The following TNIP1 variants were observed in gnomAD, a reference collection of about 807,000 sequenced individuals.
TNIP1 encodes the protein TNFAIP3 interacting protein 1.
In TNIP1, 22 loss-of-function variants were observed where a neutral mutation model predicts 86.6. The observed-to-expected ratio is 0.25, with a 90% CI of 0.18 to 0.36. TNIP1 has a LOEUF of 0.36. TNIP1 is among the 10% of genes least tolerant of loss of function. TNIP1 has a pLI of 1.00. For synonymous variants in TNIP1, 294 were observed against 313.0 expected (o/e 0.94, Z 0.64); for missense variants, 709 against 820.6 (o/e 0.86, Z 1.66).
At chr5:151,079,285 T>C (rs1394336976) in intron 1 of TNIP1, among the ~76,000 whole-genome samples, 1 of 152,102 alleles carries the variant, frequency 6.6e-6, no homozygotes, top group South Asian at 2.1e-4. Context: ...GCCTTAACCT[T>C]CTCTGGGCCT....
intron 1 of TNIP1, among the ~76,000 whole-genome samples, chr5:151,075,236 ATG>A (rs1763247763): frequency 6.6e-6 from 1 of 152,210 alleles, no homozygotes; most frequent in Non-Finnish European, 1.5e-5. Flanking sequence ...CTGATTGGAA[ATG>A]TGTTATTTCT....
intron 17 of TNIP1, 36 bp from the exon 18 acceptor site, chr5:151,030,783 T>C (rs1474774339): frequency 1.3e-6 from 2 of 1,543,224 alleles, no homozygotes; most frequent in East Asian, 4.5e-5. Flanking sequence ...TTCATGATTA[T>C]GTGGTAGAGC....
rs1762069320 is a variant in TNIP1 at position 151,065,073 on chromosome 5, C to T, written c.23G>A (p.Arg8Gln). 35 of 1,613,862 alleles carry T rather than the reference C, an allele frequency of 2.2e-5. No individual in the cohort carries two copies. The highest frequency in any genetic ancestry group is 2.7e-5 in the Non-Finnish European group (32 of 1,180,032). The change falls in exon 2 of 18, where the codon CGG becomes CAG. Residue 8 changes from arginine to glutamine, a missense_variant. Arg to Gln is a conservative substitution (Grantham distance 43). Transcript: ENST00000521591. MEGRGPY[R>Q]IYDPGGSVPS... ...CACGCTGCCCCCAGGGTCGTAGATCCGGTACGGTCCTCTCCCTTCCATGAG... is the reference window on the plus strand; with the variant it reads ...CACGCTGCCCCCAGGGTCGTAGATCTGGTACGGTCCTCTCCCTTCCATGAG...
intron 1 of TNIP1, among the ~76,000 whole-genome samples, chr5:151,070,007 C>A (rs542531394): frequency 9.9e-5 from 15 of 152,152 alleles, no homozygotes; most frequent in Non-Finnish European, 1.9e-4. Flanking sequence ...GCCAACCTTG[C>A]GAACACGAGG....
intron 15 of TNIP1, 118 bp from the exon 16 acceptor site, chr5:151,033,917 CTGGTATG>C: frequency 1.1e-6 from 1 of 910,070 alleles, no homozygotes; most frequent in South Asian, 2.8e-5. Context: ...GTACCAAAGG[CTGGTATG>C]TGGTCATGAA....
In TNIP1 at chr5:151,035,019, GCTGT is replaced by G; in HGVS notation, c.1566_1569del (p.Arg522SerfsTer92). The G allele has an allele frequency of 6.2e-7, 1 of 1,614,102 alleles. No individual in the cohort carries two copies. The highest frequency in any genetic ancestry group is 8.5e-7 in the Non-Finnish European group (1 of 1,180,002). ...CTCCTCACCTTTGCTTTCCTCTTCT[GCTGT>G]CTGAGGGCTTCTCTTGCCTTCTCCT... On this transcript the variant is annotated frameshift_variant, in exon 15 of 18. Coordinates refer to ENST00000521591, the MANE Select transcript of TNIP1 (RefSeq NM_006058.5). LOFTEE classifies it high-confidence loss of function.
At chr5:151,053,101 C>CT (rs11390788) in intron 6 of TNIP1, among the ~76,000 whole-genome samples, 26,983 of 84,890 alleles carry the variant, frequency 0.32, 5,180 homozygotes, top group African/African-American at 0.35. Flanking sequence ...AACTGTTTCT[C>CT]TTTTTTTTTT....
chr5:151,066,322 G>A (rs938187022), intron 1 of TNIP1, among the ~76,000 whole-genome samples: 3 of 152,172 alleles, frequency 2.0e-5, no homozygotes, highest in African/African-American at 2.4e-5. Flanking sequence ...CTGAAACACC[G>A]AGCCAGCCTC....
upstream of TNIP1, among the ~76,000 whole-genome samples, chr5:151,081,715 G>A (rs1361575636): frequency 1.3e-5 from 2 of 152,186 alleles, no homozygotes; most frequent in Non-Finnish European, 2.9e-5. Context: ...GTCACAAAAA[G>A]GTTAGATGAC....
chr5:151,075,440 AT>A (rs1178958646), intron 1 of TNIP1, among the ~76,000 whole-genome samples: 1 of 152,076 alleles, frequency 6.6e-6, no homozygotes, highest in East Asian at 1.9e-4. Context: ...GGGTGATCCC[AT>A]CACCTGGGTA....
At chr5:151,042,131 G>A (rs1758498078) in intron 11 of TNIP1, among the ~76,000 whole-genome samples, 1 of 151,772 alleles carries the variant, frequency 6.6e-6, no homozygotes, top group South Asian at 2.1e-4. Context: ...AGTAGAGATG[G>A]GATTTCATCA....
rs776082808 is a variant in TNIP1 at position 151,049,837 on chromosome 5, G to A, written c.833C>T (p.Ala278Val). 3 of 1,614,200 alleles carry A rather than the reference G, an allele frequency of 1.9e-6. No homozygotes were observed. The East Asian group carries it at 6.7e-5, about 36-fold the overall frequency. ...KMEGTGKKAVAGQQQASVTAG... is the reference protein window; with the variant it reads ...KMEGTGKKAVVGQQQASVTAG... ...CTGACCACATACCTGCTGCTGTCCA[G>A]CCACTGCCTTCTTGCCTGTCCCTTC... The change falls in exon 8 of 18, where the codon GCT becomes GTT. Residue 278 changes from alanine to valine, a missense_variant. Coordinates refer to ENST00000521591, the MANE Select transcript of TNIP1 (RefSeq NM_006058.5).
At chr5:151,074,217 A>AT (rs201044027) in intron 1 of TNIP1, among the ~76,000 whole-genome samples, 3 of 151,902 alleles carry the variant, frequency 2.0e-5, no homozygotes, top group Non-Finnish European at 2.9e-5. Context: ...CTATTTGGTA[A>AT]TTTTTTTTAA....
chr5:151,084,834 T>C (rs967650831), upstream of TNIP1, among the ~76,000 whole-genome samples: 8 of 152,186 alleles, frequency 5.3e-5, no homozygotes, highest in Non-Finnish European at 1.0e-4. Flanking sequence ...TAGGTACTTT[T>C]TGGTGCTGGG....
At chr5:151,032,046 T>A (rs1469513204) in intron 17 of TNIP1, 5 of 528,836 alleles carry the variant, frequency 9.5e-6, no homozygotes. Flanking sequence ...CTGCTTCTGT[T>A]CTCTAGGCAT....
chr5:151,071,584 A>T (rs142032048), intron 1 of TNIP1, among the ~76,000 whole-genome samples: 2 of 151,948 alleles, frequency 1.3e-5, no homozygotes, highest in African/African-American at 2.4e-5. Flanking sequence ...GCCCAGGTGG[A>T]TTTCCCTAAC....
chr5:151,046,126 G>C, intron 8 of TNIP1, 176 bp from the exon 9 acceptor site: 1 of 602,222 alleles, frequency 1.7e-6, no homozygotes, highest in Non-Finnish European at 3.0e-6. Context: ...CCTTCTAGAA[G>C]TCTACAAGAT....
At chr5:151,060,063 A>T (rs1411462339) in intron 5 of TNIP1, among the ~76,000 whole-genome samples, 3 of 152,162 alleles carry the variant, frequency 2.0e-5, no homozygotes, top group African/African-American at 7.2e-5. Context: ...CCCTGGCAGA[A>T]GGCAACAGGG....
At chr5:151,041,783 A>G (rs1006682813) in intron 11 of TNIP1, among the ~76,000 whole-genome samples, 3 of 152,186 alleles carry the variant, frequency 2.0e-5, no homozygotes, top group African/African-American at 7.2e-5. Context: ...GCCAAAGCAC[A>G]ATGCCTGAGA....
Sources: gnomAD v4.1 joint callset for allele counts (sites outside exome capture counted in the v4.1 genomes callset) on GRCh38, gnomAD v4.1.1 for gene constraint, MANE v1.5 for transcripts, NCBI Gene and HGNC (gene_info 2026-07-23, HGNC 2026-07-21) for gene names.